PCDHA4: variants seen among roughly 807,000 people sequenced by gnomAD.
PCDHA4 encodes the protein protocadherin alpha-4.
Under a neutral mutation model 61.4 loss-of-function variants are expected in PCDHA4, and 49 were observed. The ratio of observed to expected loss-of-function variants is 0.80; its 90% CI spans 0.63 to 1.01. The LOEUF is 1.01. Among genes scored for constraint, PCDHA4 ranks in the 50% least tolerant of loss-of-function variants. The pLI is 0.00. For synonymous variants in PCDHA4, 590 were observed against 550.3 expected (o/e 1.07, Z -1.01); for missense variants, 1,254 against 1,235.8 (o/e 1.01, Z -0.22).
rs112848471 is a variant in PCDHA4, at chr5:140,995,109, C to G, written c.2533+12546C>G. ...TATCTGTGGAGATACATTCCAAGAC[C>G]CTCAGTGGATGCCTGAAACCTCATT... On this transcript the variant is annotated intron_variant, in intron 3 of 3. Transcript: ENST00000530339. Among the ~76,000 whole-genome samples, 792 of 152,268 alleles carry G rather than the reference C, an allele frequency of 5.2e-3. 8 individuals are homozygous for G. Among genetic ancestry groups the G allele is most frequent in the African/African-American group, 0.019 (770 of 41,540 alleles).
chr5:140,850,670 G>A, intron 1 of PCDHA4: 1 of 1,598,618 alleles, frequency 6.3e-7, no homozygotes, highest in Non-Finnish European at 8.6e-7. Context: ...GGTGCTCGGC[G>A]ATGCCCACCG....
In PCDHA4 at chr5:140,836,794, C is replaced by T. The variant is rs2150270032; in HGVS notation, c.2385+27222C>T. 8 of 1,396,752 alleles carry T rather than the reference C, an allele frequency of 5.7e-6. No individual in the cohort carries two copies. In the African/African-American group the frequency reaches 7.2e-5, roughly 13 times the overall value. The allele number at this position is 1,396,752 out of a possible 1,614,324, so 86.5% of individuals were successfully genotyped here. A position where few individuals can be genotyped will look rare whatever the true frequency, so the allele number is the denominator to read the frequency against. The stretch of plus-strand genomic sequence containing the variant: ...TTTTAAAACAATTAGTTCAATTGGT[C>T]TCCTTAAATTTTCTTTCATAATTTC... On this transcript the variant is annotated intron_variant, in intron 1 of 3. Transcript: ENST00000530339.
intron 1 of PCDHA4, chr5:140,828,240 A>T (rs782505632): frequency 1.9e-6 from 3 of 1,613,830 alleles, no homozygotes; most frequent in South Asian, 1.1e-5. Flanking sequence ...CGGATCGCGC[A>T]GGACCTGGGG....
At chr5:140,893,657 A>T (rs1046030357) in intron 1 of PCDHA4, among the ~76,000 whole-genome samples, 19 of 152,126 alleles carry the variant, frequency 1.2e-4, no homozygotes, top group Non-Finnish European at 2.2e-4. Context: ...TGATAGTTTT[A>T]AAAAATTTCA....
chr5:140,830,753 T>G (rs1771228172), intron 1 of PCDHA4: 1 of 184,998 alleles, frequency 5.4e-6, no homozygotes, highest in Non-Finnish European at 1.1e-5. Context: ...TCTGTTGCAT[T>G]TTAATTCAGA....
chr5:140,970,647 T>C lies in PCDHA4; in HGVS notation c.2386-8302T>C, dbSNP rs529255517. Among the ~76,000 whole-genome samples, 9 of 152,352 alleles carry C rather than the reference T, an allele frequency of 5.9e-5. No homozygotes were observed. The South Asian group carries it at 1.9e-3, about 32-fold the overall frequency. On this transcript the variant is annotated intron_variant, in intron 1 of 3. Coordinates refer to ENST00000530339, the MANE Select transcript of PCDHA4 (RefSeq NM_018907.4). ...CAAAATTTTGTACCATAAATAGTGA[T>C]GAATTGTTATCTTTCCAAATAACTA...
chr5:140,843,381 T>C, intron 1 of PCDHA4: 1 of 1,596,090 alleles, frequency 6.3e-7, no homozygotes. Flanking sequence ...GCTGGCGTTT[T>C]GGGTCCGGAA....
At chr5:140,951,082 C>G (rs1563248212) in intron 1 of PCDHA4, among the ~76,000 whole-genome samples, 1 of 151,404 alleles carries the variant, frequency 6.6e-6, no homozygotes, top group African/African-American at 2.4e-5. Context: ...TTATATTTTC[C>G]TTTTTTTCTG....
At chr5:140,906,942 A>G (rs2073059599) in intron 1 of PCDHA4, among the ~76,000 whole-genome samples, 1 of 152,146 alleles carries the variant, frequency 6.6e-6, no homozygotes, top group Admixed American at 6.5e-5. Context: ...TGTCAATCTT[A>G]ATTTCCAGTT....
chr5:140,897,289 C>T (rs1027792864), intron 1 of PCDHA4, among the ~76,000 whole-genome samples: 2 of 150,912 alleles, frequency 1.3e-5, no homozygotes, highest in Non-Finnish European at 3.0e-5. Flanking sequence ...CCCATTAACT[C>T]GTCATTTAGC....
At chr5:140,823,477 C>T (rs2150126196) in intron 1 of PCDHA4, 1 of 1,613,436 alleles carries the variant, frequency 6.2e-7, no homozygotes, top group South Asian at 1.1e-5. Context: ...GCTGGTGCCT[C>T]GAGTGGGTGG....
rs1247544483 is a variant in PCDHA4, at chr5:140,836,573, C to T, written c.2385+27001C>T. 4.3e-6 allele frequency: 7 copies of T among 1,613,572 alleles called. 1 individual carries two copies. Among genetic ancestry groups the T allele is most frequent in the Non-Finnish European group, 5.9e-6 (7 of 1,179,840 alleles). ...GGTGCTCAGCGCCGTCCTCTGAGGGCGCATGTAGTTTGGTAAAGCCCACTC... is the reference window on the plus strand; with the variant it reads ...GGTGCTCAGCGCCGTCCTCTGAGGGTGCATGTAGTTTGGTAAAGCCCACTC... On this transcript the variant is annotated intron_variant, in intron 1 of 3. Coordinates refer to ENST00000530339, the MANE Select transcript of PCDHA4 (RefSeq NM_018907.4).
intron 1 of PCDHA4, among the ~76,000 whole-genome samples, chr5:140,909,407 T>C (rs1004172644): frequency 3.3e-5 from 5 of 152,172 alleles, no homozygotes; most frequent in Non-Finnish European, 7.3e-5. Context: ...GCAATTGCAG[T>C]TACCATTTGG....
chr5:140,819,134 G>T (rs1215831238), intron 1 of PCDHA4, among the ~76,000 whole-genome samples: 1 of 152,060 alleles, frequency 6.6e-6, no homozygotes, highest in East Asian at 1.9e-4. Context: ...CCTTATAATA[G>T]AATAAATTAA....
intron 1 of PCDHA4, chr5:140,828,236 G>C: frequency 1.2e-6 from 2 of 1,613,966 alleles, no homozygotes; most frequent in Non-Finnish European, 1.7e-6. Flanking sequence ...GGGCCGGATC[G>C]CGCAGGACCT....
At chr5:140,848,292 C>T in intron 1 of PCDHA4, 3 of 640,268 alleles carry the variant, frequency 4.7e-6, no homozygotes, top group Non-Finnish European at 8.2e-6. Context: ...ACACTTTGGG[C>T]CACGTGATGT....
intron 1 of PCDHA4, chr5:140,857,914 C>T: frequency 6.3e-7 from 1 of 1,597,754 alleles, no homozygotes; most frequent in Non-Finnish European, 8.6e-7. Flanking sequence ...TCCCGTTTCG[C>T]GTGGGGCTGT....
At chr5:140,958,241 AT>A (rs2095415572) in intron 1 of PCDHA4, among the ~76,000 whole-genome samples, 1 of 152,118 alleles carries the variant, frequency 6.6e-6, no homozygotes, top group Non-Finnish European at 1.5e-5. Flanking sequence ...GTTTTTAACA[AT>A]TCTGAACAAA....
Position 140,978,964 on chromosome 5 carries a change from C to G in PCDHA4, c.2401C>G (p.Pro801Ala). ...GATTTTGCAGCCACGACAGCCCAAC[C>G]CTGACTGGCGTTACTCTGCCTCCCT... ...ESFAKPRQPN[P>A]DWRYSASLRA... is the part of the protein sequence containing the mutation. The change falls in exon 2 of 4, where the codon CCT becomes GCT. Residue 801 changes from proline to alanine, a missense_variant. Transcript: ENST00000530339. 3 of 1,614,122 alleles carry G rather than the reference C, an allele frequency of 1.9e-6. No homozygotes were observed. The highest frequency in any genetic ancestry group is 2.5e-6 in the Non-Finnish European group (3 of 1,180,010).
Sources: gnomAD v4.1 joint callset for allele counts (sites outside exome capture counted in the v4.1 genomes callset) on GRCh38, gnomAD v4.1.1 for gene constraint, MANE v1.5 for transcripts, NCBI Gene and HGNC (gene_info 2026-07-23, HGNC 2026-07-21) for gene names.